AK4: variants seen among roughly 807,000 people sequenced by gnomAD.
The protein encoded by AK4 is adenylate kinase 4, also known as adenylate kinase 4, mitochondrial.
In AK4, 13 loss-of-function variants were observed where a neutral mutation model predicts 24.6. That is an observed-to-expected ratio of 0.53 (90% CI 0.34 to 0.84). The LOEUF is 0.84. Among genes scored for constraint, AK4 ranks in the 40% least tolerant of loss-of-function variants. AK4 has a pLI of 0.01. For synonymous variants in AK4, 88 were observed against 107.0 expected (o/e 0.82, Z 1.10); for missense variants, 192 against 288.2 (o/e 0.67, Z 2.42).
At chr1:65,156,505 GTTTA>G (rs540143263) in intron 1 of AK4, among the ~76,000 whole-genome samples, 1 of 152,092 alleles carries the variant, frequency 6.6e-6, no homozygotes, top group African/African-American at 2.4e-5. Context: ...ATATATCATA[GTTTA>G]TTTAGCCTTT....
At chr1:65,164,519 T>A (rs1650266423) in intron 1 of AK4, among the ~76,000 whole-genome samples, 1 of 152,192 alleles carries the variant, frequency 6.6e-6, no homozygotes, top group East Asian at 1.9e-4. Context: ...GGACTAATAA[T>A]GCTGAACTTC....
intron 3 of AK4, among the ~76,000 whole-genome samples, chr1:65,220,370 A>G (rs1652259018): frequency 6.6e-6 from 1 of 152,194 alleles, no homozygotes; most frequent in East Asian, 1.9e-4. Flanking sequence ...CTATTTCTCC[A>G]TATCATCACC....
intron 2 of AK4, among the ~76,000 whole-genome samples, chr1:65,208,660 G>A (rs968089534): frequency 6.6e-6 from 1 of 152,208 alleles, no homozygotes; most frequent in African/African-American, 2.4e-5. Flanking sequence ...AAACCCAGGC[G>A]GATGTTGGAA....
At chr1:65,178,216 C>A (rs1298093732) in intron 1 of AK4, among the ~76,000 whole-genome samples, 1 of 152,110 alleles carries the variant, frequency 6.6e-6, no homozygotes, top group Admixed American at 6.6e-5. Flanking sequence ...TTATAATCTG[C>A]TCTGGAGGAT....
Position 65,219,079 on chromosome 1 carries a change from G to C in AK4, c.438+153G>C, listed in dbSNP as rs531831773. Among the ~76,000 whole-genome samples the C allele has an allele frequency of 2.0e-4, 31 of 152,128 alleles. No homozygotes were observed. The South Asian group carries it at 6.4e-3, about 32-fold the overall frequency. On this transcript the variant is annotated intron_variant, in intron 3 of 4. Coordinates refer to ENST00000327299, the MANE Select transcript of AK4 (RefSeq NM_013410.4). ...TTTAAATGTTCAAATGTAGTTGTCA[G>C]GGAAGGGACATTTAAGTATTTAAAT...
chr1:65,170,131 CT>C (rs778221428), intron 1 of AK4, among the ~76,000 whole-genome samples: 1 of 152,266 alleles, frequency 6.6e-6, no homozygotes, highest in South Asian at 2.1e-4. Flanking sequence ...AATCCCAGCA[CT>C]TTGGGAGGCG....
chr1:65,176,722 A>G (rs1650728921), intron 1 of AK4, among the ~76,000 whole-genome samples: 1 of 152,050 alleles, frequency 6.6e-6, no homozygotes, highest in African/African-American at 2.4e-5. Flanking sequence ...CAGATGAGGA[A>G]ACTTGAGGCC....
Position 65,226,231 on chromosome 1 carries a change from T to C in AK4, c.*54T>C. The C allele has an allele frequency of 2.1e-6, 3 of 1,423,548 alleles. No individual in the cohort carries two copies. The highest frequency in any genetic ancestry group is 1.9e-6 in the Non-Finnish European group (2 of 1,045,378). The allele number at this position is 1,423,548 out of a possible 1,614,324, so 88.2% of individuals were successfully genotyped here. A position where few individuals can be genotyped will look rare whatever the true frequency, so the allele number is the denominator to read the frequency against. On this transcript the variant is annotated 3_prime_UTR_variant, in exon 5 of 5. Coordinates refer to ENST00000327299, the MANE Select transcript of AK4 (RefSeq NM_013410.4). ...GTGGTCATTCATTCAATAGTGTGTG[T>C]AGTATTGGTGCTGTGTCCAAATTAG...
Position 65,231,133 on chromosome 1 carries a change from T to C in AK4, c.*4956T>C, listed in dbSNP as rs562722185. ...CTTTCCACATGTAACTGACCCAATC[T>C]GGTTTCCAAATGAGAAGTGTGCAGG... On this transcript the variant is annotated 3_prime_UTR_variant, in exon 5 of 5. Transcript: ENST00000327299. The C allele has an allele frequency of 3.3e-5, 5 of 152,310 alleles. No individual in the cohort carries two copies. The East Asian group carries it at 9.6e-4, about 29-fold the overall frequency. The allele number at this position is 152,310 out of a possible 1,614,324, so 9.4% of individuals were successfully genotyped here. A position where few individuals can be genotyped will look rare whatever the true frequency, so the allele number is the denominator to read the frequency against.
chr1:65,200,995 T>C (rs1651647257), intron 2 of AK4, among the ~76,000 whole-genome samples: 2 of 152,308 alleles, frequency 1.3e-5, no homozygotes, highest in Admixed American at 1.3e-4. Context: ...GGTTTCGCCA[T>C]GTTGGCCAGG....
intron 1 of AK4, among the ~76,000 whole-genome samples, chr1:65,153,821 A>G (rs1317431518): frequency 6.6e-6 from 1 of 152,170 alleles, no homozygotes; most frequent in Admixed American, 6.5e-5. Flanking sequence ...AGGTTGTTCC[A>G]GGAAGAAGGA....
At chr1:65,179,066 G>A (rs1426593031) in intron 1 of AK4, among the ~76,000 whole-genome samples, 1 of 152,154 alleles carries the variant, frequency 6.6e-6, no homozygotes, top group Non-Finnish European at 1.5e-5. Context: ...TGGGAGAGAG[G>A]AAAGGAAGCT....
intron 1 of AK4, among the ~76,000 whole-genome samples, chr1:65,184,243 A>G (rs1043090580): frequency 5.3e-5 from 8 of 152,210 alleles, no homozygotes; most frequent in African/African-American, 1.7e-4. Context: ...CTTCTAATAT[A>G]CTTAACATTG....
At chr1:65,210,684 A>G (rs775623285) in intron 2 of AK4, among the ~76,000 whole-genome samples, 41 of 151,874 alleles carry the variant, frequency 2.7e-4, no homozygotes, top group Non-Finnish European at 5.1e-4. Context: ...GCTCAAATCT[A>G]TCTTTATCCT....
At chr1:65,183,689 GTGTGTA>G (rs748551251) in intron 1 of AK4, among the ~76,000 whole-genome samples, 61 of 127,080 alleles carry the variant, frequency 4.8e-4, no homozygotes, top group Non-Finnish European at 8.4e-4. Flanking sequence ...GTGTGTGTGT[GTGTGTA>G]TGTATGTGTC....
chr1:65,205,595 T>C (rs1651787963), intron 2 of AK4, among the ~76,000 whole-genome samples: 1 of 152,214 alleles, frequency 6.6e-6, no homozygotes, highest in Non-Finnish European at 1.5e-5. Context: ...AAAGAGTTAT[T>C]TCTTCATACT....
intron 2 of AK4, among the ~76,000 whole-genome samples, chr1:65,193,136 T>C (rs1651361753): frequency 6.6e-6 from 1 of 152,214 alleles, no homozygotes; most frequent in Non-Finnish European, 1.5e-5. Flanking sequence ...GCAGTGGCTC[T>C]GTTCTGCAAT....
At chr1:65,194,432 A>G (rs1651405869) in intron 2 of AK4, among the ~76,000 whole-genome samples, 1 of 151,870 alleles carries the variant, frequency 6.6e-6, no homozygotes, top group Non-Finnish European at 1.5e-5. Flanking sequence ...TTACTGTCCA[A>G]TTGCTGCTAA....
rs1361262440 is a variant in AK4, at chr1:65,216,139, T to C, written c.266-2615T>C. Among the ~76,000 whole-genome samples the C allele has an allele frequency of 4.7e-5, 7 of 150,016 alleles. No homozygotes were observed. The East Asian group carries it at 1.2e-3, about 25-fold the overall frequency. Reference sequence around the variant, plus strand: ...TGCAGTTTCACTAATGTGATTGCAGTGCTTTTTTTTTTTTAGACAGTCTTA... The same window carrying C: ...TGCAGTTTCACTAATGTGATTGCAGCGCTTTTTTTTTTTTAGACAGTCTTA... On this transcript the variant is annotated intron_variant, in intron 2 of 4. Transcript: ENST00000327299.
Sources: allele counts gnomAD v4.1 joint callset (sites outside exome capture counted in the v4.1 genomes callset), GRCh38; gene constraint gnomAD v4.1.1; transcripts MANE v1.5; gene names NCBI Gene and HGNC (gene_info 2026-07-23, HGNC 2026-07-21).